The following SLC35F3 variants were observed in gnomAD, a reference collection of about 807,000 sequenced individuals.
SLC35F3 encodes the protein putative thiamine transporter SLC35F3.
Under a neutral mutation model 49.9 loss-of-function variants are expected in SLC35F3, and 25 were observed. That is an observed-to-expected ratio of 0.50 (90% CI 0.37 to 0.70). The LOEUF (loss-of-function observed/expected upper bound fraction) is 0.70. Among genes scored for constraint, SLC35F3 ranks in the 30% least tolerant of loss-of-function variants. The pLI is 0.00. For synonymous variants in SLC35F3, 275 were observed against 265.4 expected (o/e 1.04, Z -0.35); for missense variants, 525 against 639.8 (o/e 0.82, Z 1.94).
At chr1:234,255,187 T>G (rs917871758) in intron 3 of SLC35F3, among the ~76,000 whole-genome samples, 8 of 152,166 alleles carry the variant, frequency 5.3e-5, no homozygotes, top group African/African-American at 1.9e-4. Flanking sequence ...AACTCAAAAG[T>G]AGGCAAAAGA....
intron 2 of SLC35F3, among the ~76,000 whole-genome samples, chr1:234,204,455 G>GT (rs915476336): frequency 1.3e-5 from 2 of 152,068 alleles, no homozygotes; most frequent in Non-Finnish European, 1.5e-5. Context: ...CAAACCCAGC[G>GT]TGATTCCCCT....
At chr1:233,994,500 G>A (rs1459211840) in intron 2 of SLC35F3, among the ~76,000 whole-genome samples, 1 of 152,148 alleles carries the variant, frequency 6.6e-6, no homozygotes, top group Non-Finnish European at 1.5e-5. Context: ...ACACCGGCCT[G>A]TTTTCTAAAT....
chr1:234,218,201 G>A (rs7520115), intron 2 of SLC35F3, among the ~76,000 whole-genome samples: 25,008 of 152,164 alleles, frequency 0.16, 3,353 homozygotes, highest in African/African-American at 0.37. Context: ...AGTGTTTACT[G>A]GGATCAGCTC....
At chr1:234,182,900 A>AAAGGAGCACTCAGTTCAAAT (rs1348184387) in intron 2 of SLC35F3, among the ~76,000 whole-genome samples, 1 of 144,278 alleles carries the variant, frequency 6.9e-6, no homozygotes, top group Admixed American at 7.6e-5. Flanking sequence ...TTTCTATACA[A>AAAGGAGCACTCAGTTCAAAT]TCATTGGTCT....
At chr1:234,147,797 T>A (rs1424414084) in intron 2 of SLC35F3, among the ~76,000 whole-genome samples, 1 of 152,226 alleles carries the variant, frequency 6.6e-6, no homozygotes, top group African/African-American at 2.4e-5. Flanking sequence ...TCATTGTGAA[T>A]CTGAATGACC....
Position 233,904,918 on chromosome 1 carries a change from C to T in SLC35F3, c.-160C>T. The stretch of plus-strand genomic sequence containing the variant: ...GCCGCGGAGGCGCTCGGGTACAGAC[C>T]GCGCGGGCGCGCACAAAGCGGCCCG... On this transcript the variant is annotated 5_prime_UTR_variant, in exon 1 of 8. Transcript: ENST00000366618. 1.5e-6 allele frequency: 1 copy of T among 688,448 alleles called. No individual in the cohort carries two copies. Among genetic ancestry groups the T allele is most frequent in the Non-Finnish European group, 2.2e-6 (1 of 447,188 alleles). 42.6% of individuals were successfully genotyped at this position (688,448 alleles called of 1,614,324 possible).
chr1:234,198,916 T>C (rs1666855542), intron 2 of SLC35F3, among the ~76,000 whole-genome samples: 1 of 152,148 alleles, frequency 6.6e-6, no homozygotes, highest in Admixed American at 6.5e-5. Flanking sequence ...TATAAAGCTA[T>C]TGTAATCAAA....
chr1:233,948,444 G>C (rs116711127), intron 2 of SLC35F3, among the ~76,000 whole-genome samples: 15,310 of 152,022 alleles, frequency 0.1, 866 homozygotes, highest in African/African-American at 0.15. Context: ...CCAAGCGAAG[G>C]GTTCAAGTGG....
chr1:234,189,312 T>A (rs6668072), intron 2 of SLC35F3, among the ~76,000 whole-genome samples: 4,505 of 151,520 alleles, frequency 0.03, 221 homozygotes, highest in African/African-American at 0.1. Context: ...AGGAAATTTT[T>A]AAAAATATAC....
At chr1:234,054,780 G>A (rs1468847275) in intron 2 of SLC35F3, among the ~76,000 whole-genome samples, 1 of 152,090 alleles carries the variant, frequency 6.6e-6, no homozygotes, top group Non-Finnish European at 1.5e-5. Context: ...GTGGTTTTAT[G>A]TACCTTTGGT....
rs1661743185 is a variant in SLC35F3, at chr1:233,904,876, C to G, written c.-202C>G. 1 of 357,836 alleles carries G rather than the reference C, an allele frequency of 2.8e-6. No individual in the cohort carries two copies. Among genetic ancestry groups the G allele is most frequent in the Admixed American group, 5.1e-5 (1 of 19,774 alleles). The allele number at this position is 357,836 out of a possible 1,614,324, so 22.2% of individuals were successfully genotyped here. Reference sequence around the variant, plus strand: ...GGAGTCACCGGGCTGAACCGCCGCGCCTGCATCGTGCCGCACGCCGCGGAG... The same window carrying G: ...GGAGTCACCGGGCTGAACCGCCGCGGCTGCATCGTGCCGCACGCCGCGGAG... On this transcript the variant is annotated 5_prime_UTR_variant, in exon 1 of 8. Transcript: ENST00000366618.
intron 2 of SLC35F3, among the ~76,000 whole-genome samples, chr1:234,023,926 C>G (rs192244599): frequency 9.9e-5 from 15 of 152,112 alleles, no homozygotes; most frequent in African/African-American, 3.1e-4. Flanking sequence ...ATCTGAGAAA[C>G]TGTCTCAGCC....
intron 2 of SLC35F3, among the ~76,000 whole-genome samples, chr1:233,923,718 C>G (rs1662106330): frequency 6.6e-6 from 1 of 152,270 alleles, no homozygotes; most frequent in East Asian, 1.9e-4. Flanking sequence ...GCATCCCTGT[C>G]TTGTGCCAGT....
intron 2 of SLC35F3, among the ~76,000 whole-genome samples, chr1:234,052,006 G>T (rs893682491): frequency 3.9e-5 from 6 of 152,192 alleles, no homozygotes; most frequent in Non-Finnish European, 8.8e-5. Flanking sequence ...GATCGTGGTG[G>T]ATAAGCTTTT....
chr1:234,309,367 C>G, intron 4 of SLC35F3, 47 bp downstream of exon 4: 1 of 1,540,556 alleles, frequency 6.5e-7, no homozygotes, highest in Non-Finnish European at 9.0e-7. Context: ...GTCATGTCAA[C>G]CAAAACCTGC....
chr1:234,023,600 G>T (rs1197987680), intron 2 of SLC35F3, among the ~76,000 whole-genome samples: 1 of 152,070 alleles, frequency 6.6e-6, no homozygotes, highest in South Asian at 2.1e-4. Flanking sequence ...GCTGTGCATG[G>T]TGACTTCTTT....
intron 3 of SLC35F3, among the ~76,000 whole-genome samples, chr1:234,278,264 G>T (rs920153111): frequency 6.6e-6 from 1 of 152,078 alleles, no homozygotes; most frequent in African/African-American, 2.4e-5. Flanking sequence ...GCCAAGGCTG[G>T]TGACCACCTG....
chr1:234,004,742 A>T (rs1166386595), intron 2 of SLC35F3, among the ~76,000 whole-genome samples: 1 of 152,170 alleles, frequency 6.6e-6, no homozygotes, highest in Non-Finnish European at 1.5e-5. Flanking sequence ...TCTGAAGGGA[A>T]AATAGCTTTT....
intron 2 of SLC35F3, among the ~76,000 whole-genome samples, chr1:234,110,656 A>G (rs1665392537): frequency 6.6e-6 from 1 of 152,228 alleles, no homozygotes; most frequent in South Asian, 2.1e-4. Flanking sequence ...TTTTGGACAA[A>G]TAACACAATT....
Sources: gnomAD v4.1 joint callset for allele counts (sites outside exome capture counted in the v4.1 genomes callset) on GRCh38, gnomAD v4.1.1 for gene constraint, MANE v1.5 for transcripts, NCBI Gene and HGNC (gene_info 2026-07-23, HGNC 2026-07-21) for gene names.